The following SCFD2 variants were observed in gnomAD, a reference collection of about 807,000 sequenced individuals.
SCFD2 encodes the protein sec1 family domain-containing protein 2.
SCFD2 carries 54 observed loss-of-function variants against 58.9 expected under a neutral mutation model. The observed-to-expected ratio is 0.92, with a 90% CI of 0.74 to 1.15. The LOEUF is 1.15. Among genes scored for constraint, SCFD2 ranks in the 50% most tolerant of loss-of-function variants. SCFD2 has a pLI of 0.00. For missense variants in SCFD2, 805 were observed against 836.6 expected (o/e 0.96, Z 0.47); for synonymous variants, 321 against 335.9 (o/e 0.96, Z 0.49).
intron 5 of SCFD2, chr4:52,949,663 T>C (rs934923585): frequency 1.3e-5 from 2 of 152,234 alleles, no homozygotes; most frequent in Non-Finnish European, 2.9e-5. Context: ...CACTGCAGTC[T>C]CTTGTGACCA....
chr4:52,874,603 T>C (rs945661105), intron 8 of SCFD2, among the ~76,000 whole-genome samples: 8 of 152,158 alleles, frequency 5.3e-5, no homozygotes, highest in Non-Finnish European at 1.2e-4. Context: ...TTCTGGAGCC[T>C]AGAAGTCCAA....
intron 4 of SCFD2, among the ~76,000 whole-genome samples, chr4:53,244,246 C>T (rs1194909174): frequency 6.6e-6 from 1 of 152,134 alleles, no homozygotes; most frequent in Non-Finnish European, 1.5e-5. Context: ...ACCTGATTGA[C>T]ATATACAGAA....
intron 8 of SCFD2, among the ~76,000 whole-genome samples, chr4:52,880,989 C>T (rs544549035): frequency 1.3e-5 from 2 of 152,356 alleles, no homozygotes; most frequent in East Asian, 3.9e-4. Context: ...GAATCTCCCA[C>T]TTGGTGTTTG....
intron 5 of SCFD2, among the ~76,000 whole-genome samples, chr4:53,002,152 C>G (rs781330131): frequency 2.0e-5 from 3 of 152,098 alleles, no homozygotes; most frequent in Admixed American, 6.5e-5. Context: ...AGAAAGGCAC[C>G]AAGAGAGGCC....
intron 5 of SCFD2, among the ~76,000 whole-genome samples, chr4:53,042,054 G>A (rs766802707): frequency 1.2e-4 from 18 of 152,044 alleles, no homozygotes; most frequent in Non-Finnish European, 1.9e-4. Context: ...TCTAACAAAG[G>A]GACACATACA....
Position 53,343,984 on chromosome 4 carries a change from C to T in SCFD2, c.1007+8614G>A, listed in dbSNP as rs916862289. 2.0e-5 allele frequency among the ~76,000 whole-genome samples: 3 copies of T among 152,148 alleles called. No individual in the cohort carries two copies. In the East Asian group the frequency reaches 5.8e-4, roughly 29 times the overall value. On this transcript the variant is annotated intron_variant, in intron 2 of 8. Coordinates refer to ENST00000401642, the MANE Select transcript of SCFD2 (RefSeq NM_152540.4). ...AGAGCTATCTATGACAAACCCACAG[C>T]CAATATCATACTGAATGGACAAAAA...
chr4:53,256,223 G>A (rs1730622324), intron 4 of SCFD2, among the ~76,000 whole-genome samples: 2 of 151,060 alleles, frequency 1.3e-5, no homozygotes, highest in South Asian at 2.1e-4. Context: ...CAGTTGCCAG[G>A]CAGAGGGTCT....
intron 3 of SCFD2, among the ~76,000 whole-genome samples, chr4:53,304,202 A>C (rs1732438326): frequency 6.6e-6 from 1 of 152,010 alleles, no homozygotes; most frequent in Admixed American, 6.5e-5. Flanking sequence ...ATCCACTGTT[A>C]GTCTGATGGG....
chr4:52,986,261 A>C (rs559609074), intron 5 of SCFD2, among the ~76,000 whole-genome samples: 11 of 152,200 alleles, frequency 7.2e-5, no homozygotes, highest in African/African-American at 2.6e-4. Context: ...AGTATATGTA[A>C]GATTTTAAAA....
At chr4:53,317,003 A>C (rs1732884768) in intron 2 of SCFD2, among the ~76,000 whole-genome samples, 1 of 151,434 alleles carries the variant, frequency 6.6e-6, no homozygotes, top group African/African-American at 2.4e-5. Flanking sequence ...GCTACTCAGG[A>C]GGTTGAGGCA....
At chr4:52,908,691 T>A in intron 6 of SCFD2, among the ~76,000 whole-genome samples, 1 of 152,216 alleles carries the variant, frequency 6.6e-6, no homozygotes, top group South Asian at 2.1e-4. Flanking sequence ...AAATTTTCCC[T>A]TTCCAATTTT....
chr4:52,882,184 C>A (rs1718630502), intron 8 of SCFD2, among the ~76,000 whole-genome samples: 1 of 152,086 alleles, frequency 6.6e-6, no homozygotes, highest in Non-Finnish European at 1.5e-5. Flanking sequence ...AGTGGGGTGG[C>A]TACAGGAACT....
At chr4:53,042,325 A>ATG (rs1409234471) in intron 5 of SCFD2, among the ~76,000 whole-genome samples, 163 of 151,828 alleles carry the variant, frequency 1.1e-3, no homozygotes, top group Admixed American at 5.1e-3. Flanking sequence ...CTTCTAAAAA[A>ATG]TGTGTGTGTG....
intron 5 of SCFD2, among the ~76,000 whole-genome samples, chr4:53,137,182 A>C (rs1418550631): frequency 6.6e-6 from 1 of 152,138 alleles, no homozygotes; most frequent in African/African-American, 2.4e-5. Context: ...TTGCCATGAA[A>C]CCGAGATCTA....
intron 4 of SCFD2, among the ~76,000 whole-genome samples, chr4:53,247,805 G>A (rs1472372389): frequency 7.4e-6 from 1 of 134,572 alleles, no homozygotes; most frequent in African/African-American, 2.8e-5. Flanking sequence ...AGCTTGCAGT[G>A]AGCCGAGATT....
chr4:53,308,331 A>G (rs762053898), intron 3 of SCFD2, among the ~76,000 whole-genome samples: 1 of 151,692 alleles, frequency 6.6e-6, no homozygotes, highest in Non-Finnish European at 1.5e-5. Context: ...AATAATCAGT[A>G]TATGTCTCTT....
In SCFD2 at chr4:53,133,829, A is replaced by G. The variant is rs532964197; in HGVS notation, c.1561+11504T>C. Reference sequence around the variant, plus strand: ...TAGTGGGGAATGTAAGAGAACCCCAATTGAAAGCTCACTAGACTATGCCTA... The same window carrying G: ...TAGTGGGGAATGTAAGAGAACCCCAGTTGAAAGCTCACTAGACTATGCCTA... On this transcript the variant is annotated intron_variant, in intron 5 of 8. Coordinates refer to ENST00000401642, the MANE Select transcript of SCFD2 (RefSeq NM_152540.4). Among the ~76,000 whole-genome samples the G allele has an allele frequency of 1.1e-4, 16 of 152,320 alleles. No individual in the cohort carries two copies. The South Asian group carries it at 1.5e-3, about 14-fold the overall frequency.
chr4:52,935,107 G>A (rs1720102223), intron 5 of SCFD2, among the ~76,000 whole-genome samples: 1 of 152,172 alleles, frequency 6.6e-6, no homozygotes, highest in Admixed American at 6.5e-5. Context: ...GCATTGCACA[G>A]CAGTAGAATG....
At chr4:52,888,755 A>G (rs1043012175) in intron 7 of SCFD2, among the ~76,000 whole-genome samples, 7 of 152,144 alleles carry the variant, frequency 4.6e-5, no homozygotes, top group South Asian at 2.1e-4. Flanking sequence ...TTACAGCTCC[A>G]TCCTTGGTTC....
Sources: allele counts gnomAD v4.1 joint callset (sites outside exome capture counted in the v4.1 genomes callset), GRCh38; gene constraint gnomAD v4.1.1; transcripts MANE v1.5; gene names NCBI Gene and HGNC (gene_info 2026-07-23, HGNC 2026-07-21).